The following TBCD variants were observed in gnomAD, a reference collection of about 807,000 sequenced individuals.
TBCD encodes the protein tubulin-specific chaperone D.
A neutral mutation model predicts 169.3 loss-of-function variants in TBCD; 105 were observed. That is an observed-to-expected ratio of 0.62 (90% CI 0.53 to 0.73). TBCD has a LOEUF of 0.73. TBCD is among the 30% of genes least tolerant of loss of function. The pLI is 0.00. For synonymous variants in TBCD, 700 were observed against 643.9 expected (o/e 1.09, Z -1.32); for missense variants, 1,444 against 1,600.1 (o/e 0.90, Z 1.66).
At chr17:82,862,015 C>T (rs2056808936) in intron 13 of TBCD, among the ~76,000 whole-genome samples, 1 of 151,998 alleles carries the variant, frequency 6.6e-6, no homozygotes, top group African/African-American at 2.4e-5. Context: ...CTCCGCCTCC[C>T]AGGTTCACGC....
chr17:82,899,248 A>ACGTGTCCTCAGCGCG (rs1567988368), intron 17 of TBCD, among the ~76,000 whole-genome samples: 8 of 137,632 alleles, frequency 5.8e-5, no homozygotes, highest in South Asian at 2.3e-4. Context: ...TCCTCAGCGC[A>ACGTGTCCTCAGCGCG]CGTGTCCTCA....
chr17:82,942,131 C>T, intron 38 of TBCD: 2 of 502,724 alleles, frequency 4.0e-6, no homozygotes, highest in Non-Finnish European at 7.0e-6. Context: ...AGGCTGAACT[C>T]AACAGCAGAC....
chr17:82,818,575 G>A (rs2052133621), intron 13 of TBCD, among the ~76,000 whole-genome samples: 1 of 152,124 alleles, frequency 6.6e-6, no homozygotes, highest in South Asian at 2.1e-4. Flanking sequence ...ATACCAGCCT[G>A]GACATCATAG....
In TBCD at chr17:82,921,275, T is replaced by G. The variant is rs947679966; in HGVS notation, c.2102-226T>G. 2.8e-5 allele frequency: 16 copies of G among 562,188 alleles called. No homozygotes were observed. In the South Asian group the frequency reaches 4.0e-4, roughly 14 times the overall value. The allele number at this position is 562,188 out of a possible 1,614,324, so 34.8% of individuals were successfully genotyped here. ...ATGTGATGTATAAAAATTTACAGAA[T>G]GCTGGTATTTCCCTCAATAAGAGCT... On this transcript the variant is annotated intron_variant, in intron 24 of 38. Coordinates refer to ENST00000355528, the MANE Select transcript of TBCD (RefSeq NM_005993.5).
chr17:82,797,852 T>G, intron 8 of TBCD, 50 bp downstream of exon 8: 1 of 1,407,026 alleles, frequency 7.1e-7, no homozygotes, highest in South Asian at 1.3e-5. Context: ...AGTTTGCTCA[T>G]ATACAATCAA....
intron 7 of TBCD, among the ~76,000 whole-genome samples, chr17:82,785,269 A>G (rs2049232045): frequency 2.3e-5 from 2 of 87,224 alleles, no homozygotes; most frequent in African/African-American, 9.2e-5. Flanking sequence ...AGGGGGGTCC[A>G]TGCTGTGTGA....
In TBCD at chr17:82,929,471, G is replaced by A. The variant is rs1021690085; in HGVS notation, c.2962G>A (p.Val988Met). 8 of 1,609,322 alleles carry A rather than the reference G, an allele frequency of 5.0e-6. No homozygotes were observed. Among genetic ancestry groups the A allele is most frequent in the South Asian group, 1.1e-5 (1 of 91,074 alleles). The change falls in exon 32 of 39, where the codon GTG (valine) becomes ATG (methionine). Residue 988 changes from valine (V) to methionine (M), a missense_variant. By Grantham distance (21) the Val-to-Met change is conservative. Transcript: ENST00000355528. ...CTACCACGTCCTGCTGGGGCTAGTC[G>A]TGTCCCTGGGCGGCTTGACGGAGTC... ...YRYHVLLGLV[V>M]SLGGLTESTI...
intron 22 of TBCD, among the ~76,000 whole-genome samples, chr17:82,911,038 TG>T (rs1369280397): frequency 6.6e-6 from 1 of 152,110 alleles, no homozygotes; most frequent in Admixed American, 6.5e-5. Flanking sequence ...GCAGGGCGGG[TG>T]GCCCTGTTTG....
chr17:82,881,177 G>T (rs969976922), intron 14 of TBCD, among the ~76,000 whole-genome samples: 1 of 152,218 alleles, frequency 6.6e-6, no homozygotes, highest in African/African-American at 2.4e-5. Flanking sequence ...TGGACGCTGG[G>T]GTCTCTCTCG....
At chr17:82,876,198 C>CA (rs2057959334) in intron 14 of TBCD, among the ~76,000 whole-genome samples, 1 of 152,198 alleles carries the variant, frequency 6.6e-6, no homozygotes, top group Non-Finnish European at 1.5e-5. Context: ...TCGAGGCGTG[C>CA]ACTTCCCCTT....
At position 82,806,012 on chromosome 17, in the gene TBCD, G is replaced by A. The variant is rs1417598037; in HGVS notation, c.1087+1G>A. Reference sequence around the variant, plus strand: ...CCAGAGGGGGTGGAGCGTGTGATAGGTGCGTGGGGTCTAAGCGGCGGCCTC... The same window carrying A: ...CCAGAGGGGGTGGAGCGTGTGATAGATGCGTGGGGTCTAAGCGGCGGCCTC... On this transcript the variant is annotated splice_donor_variant, in intron 10 of 38. Coordinates refer to ENST00000355528, the MANE Select transcript of TBCD (RefSeq NM_005993.5). LOFTEE classifies it high-confidence loss of function. The surrounding 1 kb of genome is among the most constrained non-coding windows in gnomAD (Gnocchi z 5.1). 1.2e-6 allele frequency: 2 copies of A among 1,613,318 alleles called. No individual in the cohort carries two copies. The highest frequency in any genetic ancestry group is 1.7e-6 in the Non-Finnish European group (2 of 1,179,376).
chr17:82,876,909 T>G (rs181661793), intron 14 of TBCD: 11 of 976,634 alleles, frequency 1.1e-5, no homozygotes, highest in African/African-American at 1.8e-5. Context: ...TCTCCTGCTG[T>G]CAGCCGGTCT....
intron 13 of TBCD, among the ~76,000 whole-genome samples, chr17:82,855,332 G>A (rs951218238): frequency 1.4e-5 from 2 of 139,940 alleles, no homozygotes; most frequent in Admixed American, 8.0e-5. Flanking sequence ...TGGTGTAGTC[G>A]CGGCTCACTG....
At position 82,907,777 on chromosome 17, in the gene TBCD, C is replaced by T. The variant is rs1599439165; in HGVS notation, c.1939C>T (p.Leu647=). 1 of 1,613,790 alleles carries T rather than the reference C, an allele frequency of 6.2e-7. No individual in the cohort carries two copies. Residue 647 remains leucine (L), a synonymous_variant, in exon 21 of 39, where the codon CTG becomes TTG. Coordinates refer to ENST00000355528, the MANE Select transcript of TBCD (RefSeq NM_005993.5). The part of the protein sequence containing the change: ...AQENRPVTDH[L]DEQAVQGLKQ... ...CTTCTGCAGGCCCGTCACGGACCATCTGGACGAGCAGGCAGTGCAGGGCCT... is the reference window on the plus strand; with the variant it reads ...CTTCTGCAGGCCCGTCACGGACCATTTGGACGAGCAGGCAGTGCAGGGCCT...
Position 82,923,852 on chromosome 17 carries a change from G to T in TBCD, c.2260+119G>T. 1.3e-6 allele frequency: 1 copy of T among 794,262 alleles called. No homozygotes were observed. The allele number at this position is 794,262 out of a possible 1,614,324, so 49.2% of individuals were successfully genotyped here. A position where few individuals can be genotyped will look rare whatever the true frequency, so the allele number is the denominator to read the frequency against. On this transcript the variant is annotated intron_variant, in intron 26 of 38. Transcript: ENST00000355528. This position sits in a 1 kb window ranked among gnomAD's most constrained non-coding sequence, Gnocchi z 4.6. The stretch of plus-strand genomic sequence containing the variant: ...GTGGAGCAGAGCCACCACGATCATG[G>T]CTGGAGTGGGACTGTTCGGGTCTCA...
intron 6 of TBCD, among the ~76,000 whole-genome samples, chr17:82,778,888 C>T (rs1211469885): frequency 1.3e-5 from 2 of 152,164 alleles, no homozygotes; most frequent in Admixed American, 1.3e-4. Context: ...TCTCAAACTC[C>T]TGACCTCAGG....
At chr17:82,872,471 C>T (rs1193726500) in intron 14 of TBCD, among the ~76,000 whole-genome samples, 2 of 152,166 alleles carry the variant, frequency 1.3e-5, no homozygotes, top group Non-Finnish European at 2.9e-5. Flanking sequence ...CGGCTTTAGG[C>T]CCCTGCCGAG....
At chr17:82,899,586 T>G (rs892075936) in intron 17 of TBCD, among the ~76,000 whole-genome samples, 8 of 152,272 alleles carry the variant, frequency 5.3e-5, no homozygotes, top group African/African-American at 9.6e-5. Flanking sequence ...TTGGCTCTGA[T>G]GAATAAAGCA....
chr17:82,800,756 C>T (rs1375005179), intron 8 of TBCD, 108 bp from the exon 9 acceptor site: 5 of 1,382,174 alleles, frequency 3.6e-6, no homozygotes, highest in Non-Finnish European at 4.9e-6. Context: ...GGTGATGTCT[C>T]CTGCCTCAAG....
Sources: gnomAD v4.1 joint callset for allele counts (sites outside exome capture counted in the v4.1 genomes callset) on GRCh38, gnomAD v4.1.1 for gene constraint, Gnocchi (gnomAD v3.1) non-coding constraint, MANE v1.5 for transcripts, NCBI Gene and HGNC (gene_info 2026-07-23, HGNC 2026-07-21) for gene names.